JAZF1: variants seen among roughly 807,000 people sequenced by gnomAD.
JAZF1 encodes JAZF zinc finger 1, also known as juxtaposed with another zinc finger protein 1.
JAZF1 carries 8 observed loss-of-function variants against 26.4 expected under a neutral mutation model. That is an observed-to-expected ratio of 0.30 (90% confidence interval 0.18 to 0.55). The LOEUF (loss-of-function observed/expected upper bound fraction) is 0.55. JAZF1 is among the 20% of genes least tolerant of loss of function. JAZF1 has a pLI of 0.94. For synonymous variants in JAZF1, 126 were observed against 122.3 expected, an observed-to-expected ratio of 1.03 and a Z score of -0.20; for missense variants, 199 against 322.0, an observed-to-expected ratio of 0.62 and a Z score of 2.92.
intron 2 of JAZF1, among the ~76,000 whole-genome samples, chr7:27,901,531 G>C (rs1248224931): frequency 6.6e-6 from 1 of 152,198 alleles, no homozygotes; most frequent in Admixed American, 6.5e-5. Flanking sequence ...CTGAGTCTAA[G>C]TGACCTGCTG....
Position 28,081,077 on chromosome 7 carries a change from T to G in JAZF1, c.116-89096A>C, listed in dbSNP as rs548927401. ...TAGAGGAAAAGTCAAGAAAACCTCG[T>G]GGGGACCAGCACAGGAAAGGCAGCT... On this transcript the variant is annotated intron_variant, in intron 1 of 4. Transcript: ENST00000283928. Among the ~76,000 whole-genome samples the G allele has an allele frequency of 2.0e-5, 3 of 152,216 alleles. No individual in the cohort carries two copies. In the East Asian group the frequency reaches 5.8e-4, roughly 29 times the overall value.
At chr7:27,849,773 ACC>A (rs1783107534) in intron 3 of JAZF1, among the ~76,000 whole-genome samples, 1 of 114,006 alleles carries the variant, frequency 8.8e-6, no homozygotes, top group Admixed American at 7.9e-5. Flanking sequence ...ACACACACAC[ACC>A]CCTACACCTC....
At chr7:27,944,185 C>T (rs954489082) in intron 2 of JAZF1, among the ~76,000 whole-genome samples, 4 of 152,120 alleles carry the variant, frequency 2.6e-5, no homozygotes, top group African/African-American at 4.8e-5. Context: ...TACATCTTGC[C>T]GAACCCTTTA....
intron 1 of JAZF1, among the ~76,000 whole-genome samples, chr7:28,113,226 C>T (rs113233649): frequency 1.4e-3 from 219 of 152,214 alleles, no homozygotes; most frequent in Middle Eastern, 0.01. Flanking sequence ...CGACAGACTA[C>T]AGTATTTAGA....
chr7:27,898,286 C>CATATATATATATATATAT (rs10638646), intron 2 of JAZF1, among the ~76,000 whole-genome samples: 16 of 99,594 alleles, frequency 1.6e-4, no homozygotes, highest in Middle Eastern at 6.4e-3. Context: ...ACGTCTAACT[C>CATATATATATATATATAT]ATATATATAT....
intron 2 of JAZF1, among the ~76,000 whole-genome samples, chr7:27,963,505 A>G (rs560855288): frequency 1.3e-5 from 2 of 152,080 alleles, no homozygotes; most frequent in Admixed American, 1.3e-4. Context: ...GTGATGTGTC[A>G]CAAACATTCA....
At chr7:28,047,523 A>C (rs943701462) in intron 1 of JAZF1, among the ~76,000 whole-genome samples, 10 of 151,934 alleles carry the variant, frequency 6.6e-5, no homozygotes, top group African/African-American at 2.4e-4. Flanking sequence ...CGTTTATCTC[A>C]TAGACGTTTT....
intron 2 of JAZF1, among the ~76,000 whole-genome samples, chr7:27,965,711 T>G (rs1256032367): frequency 1.3e-5 from 2 of 152,298 alleles, no homozygotes; most frequent in East Asian, 3.9e-4. Flanking sequence ...GTCTAAAGAT[T>G]AATGAAAAAT....
intron 2 of JAZF1, among the ~76,000 whole-genome samples, chr7:27,929,632 A>G (rs1398249303): frequency 6.6e-6 from 1 of 152,176 alleles, no homozygotes; most frequent in African/African-American, 2.4e-5. Context: ...ACTTTGGGCA[A>G]AAGACTTAAC....
At chr7:28,169,058 C>T (rs1562610710) in intron 1 of JAZF1, among the ~76,000 whole-genome samples, 1 of 152,204 alleles carries the variant, frequency 6.6e-6, no homozygotes, top group Non-Finnish European at 1.5e-5. Flanking sequence ...GGCTGATTTT[C>T]CACAAGCCAC....
At chr7:28,117,041 C>G (rs1370375085) in intron 1 of JAZF1, among the ~76,000 whole-genome samples, 1 of 152,130 alleles carries the variant, frequency 6.6e-6, no homozygotes. Flanking sequence ...CCAGACTGGT[C>G]TCGAACTCCT....
At chr7:28,144,617 G>A (rs543247597) in intron 1 of JAZF1, among the ~76,000 whole-genome samples, 180 of 152,296 alleles carry the variant, frequency 1.2e-3, no homozygotes, top group African/African-American at 4.2e-3. Context: ...AAGAGAAAAG[G>A]AAATAAAACC....
At chr7:28,140,896 A>AG (rs11454114) in intron 1 of JAZF1, among the ~76,000 whole-genome samples, 152,356 of 152,356 alleles carry the variant, frequency 1, 76,178 homozygotes, top group Non-Finnish European at 1. Context: ...AAGTTCCGTA[A>AG]GAGCCATATA....
At chr7:28,046,090 T>C (rs891946859) in intron 1 of JAZF1, among the ~76,000 whole-genome samples, 1 of 152,236 alleles carries the variant, frequency 6.6e-6, no homozygotes, top group Non-Finnish European at 1.5e-5. Flanking sequence ...TTTCAATGTA[T>C]GAGCAAATAT....
In JAZF1 at chr7:27,867,942, C is replaced by T. The variant is rs79645844; in HGVS notation, c.386-27075G>A. On this transcript the variant is annotated intron_variant, in intron 3 of 4. Transcript: ENST00000283928. Reference sequence around the variant, plus strand: ...CTTTTCCTGTCATTTCTATTTCTTTCGCAGGATCTCGCCTGGTCATGAGAG... The same window carrying T: ...CTTTTCCTGTCATTTCTATTTCTTTTGCAGGATCTCGCCTGGTCATGAGAG... 7.3e-3 allele frequency among the ~76,000 whole-genome samples: 1,111 copies of T among 152,298 alleles called. 8 individuals carry two copies. The highest frequency in any genetic ancestry group is 0.017 in the African/African-American group (702 of 41,566).
At chr7:28,094,264 T>C (rs1469275710) in intron 1 of JAZF1, among the ~76,000 whole-genome samples, 1 of 152,122 alleles carries the variant, frequency 6.6e-6, no homozygotes, top group East Asian at 1.9e-4. Context: ...CTCCCCGATA[T>C]CCCTTCTTCC....
intron 1 of JAZF1, among the ~76,000 whole-genome samples, chr7:28,040,693 T>C (rs1200295676): frequency 2.0e-5 from 3 of 152,082 alleles, no homozygotes; most frequent in Admixed American, 1.3e-4. Flanking sequence ...TTTGGACATA[T>C]GGAGTTTTAG....
intron 2 of JAZF1, among the ~76,000 whole-genome samples, chr7:27,976,651 T>G (rs1274976772): frequency 6.6e-6 from 1 of 152,030 alleles, no homozygotes; most frequent in African/African-American, 2.4e-5. Flanking sequence ...TGCCTTGTAC[T>G]GTAATAAATA....
Position 28,074,115 on chromosome 7 carries a change from G to A in JAZF1, c.116-82134C>T, listed in dbSNP as rs572654751. The stretch of plus-strand genomic sequence containing the variant: ...TTCTAAGTGCCTCATGTCTACCTAT[G>A]TGTTCCTACTTTTCCAGGCCTCTGG... On this transcript the variant is annotated intron_variant, in intron 1 of 4. Transcript: ENST00000283928. Among the ~76,000 whole-genome samples the A allele has an allele frequency of 5.3e-5, 8 of 152,180 alleles. No individual in the cohort carries two copies. The East Asian group carries it at 1.5e-3, about 29-fold the overall frequency.
Sources: allele counts gnomAD v4.1 joint callset (sites outside exome capture counted in the v4.1 genomes callset), GRCh38; gene constraint gnomAD v4.1.1; transcripts MANE v1.5; gene names NCBI Gene and HGNC (gene_info 2026-07-23, HGNC 2026-07-21).